The following GABRR2 variants were observed in gnomAD, a reference collection of about 807,000 sequenced individuals.
GABRR2 encodes gamma-aminobutyric acid type A receptor subunit rho2.
Under a neutral mutation model 47.0 loss-of-function variants are expected in GABRR2, and 36 were observed. That is an observed-to-expected ratio of 0.77 (90% confidence interval 0.59 to 1.01). GABRR2 has a LOEUF of 1.01. Among genes scored for constraint, GABRR2 ranks in the 50% least tolerant of loss-of-function variants. GABRR2 has a pLI of 0.00. For synonymous variants in GABRR2, 204 were observed against 227.5 expected (o/e 0.90, Z 0.93); for missense variants, 587 against 594.6 (o/e 0.99, Z 0.13).
chr6:89,302,170 G>A, intron 1 of GABRR2: 3 of 570,620 alleles, frequency 5.3e-6, no homozygotes, highest in Non-Finnish European at 6.9e-6. Flanking sequence ...ACGGTCTGTA[G>A]GGTTTCCAGC....
At chr6:89,272,148 G>T (rs958173871) in intron 2 of GABRR2, among the ~76,000 whole-genome samples, 1 of 152,196 alleles carries the variant, frequency 6.6e-6, no homozygotes, top group African/African-American at 2.4e-5. Flanking sequence ...TGCATGCCCT[G>T]GTCTGAATTC....
At chr6:89,302,024 G>T (rs963571764) in intron 1 of GABRR2, 2 of 679,344 alleles carry the variant, frequency 2.9e-6, no homozygotes, top group Non-Finnish European at 5.4e-6. Context: ...GGGGCCTTTT[G>T]GACATTTTTT....
At chr6:89,270,760 T>C (rs1256460203) in intron 3 of GABRR2, among the ~76,000 whole-genome samples, 1 of 152,124 alleles carries the variant, frequency 6.6e-6, no homozygotes, top group African/African-American at 2.4e-5. Context: ...TCCCCGACTT[T>C]TATTTATTCC....
At chr6:89,289,040 A>C (rs1582454702) in intron 2 of GABRR2, among the ~76,000 whole-genome samples, 1 of 152,254 alleles carries the variant, frequency 6.6e-6, no homozygotes. Flanking sequence ...TCATATACTG[A>C]GTTCAAAACA....
chr6:89,275,043 C>T (rs972858142), intron 2 of GABRR2, among the ~76,000 whole-genome samples: 14 of 151,914 alleles, frequency 9.2e-5, no homozygotes, highest in Non-Finnish European at 1.6e-4. Flanking sequence ...CCTAACTTTC[C>T]GCTTTAATTT....
At position 89,257,586 on chromosome 6, in the gene GABRR2, C is replaced by T. The variant is rs1773628617; in HGVS notation, c.*84G>A. ...AGCTGCTGCATTGTTTGGTGAGGGG[C>T]GTGTGGTCAACAAGTCCGTCTGTCA... On this transcript the variant is annotated 3_prime_UTR_variant, in exon 9 of 9. Transcript: ENST00000402938. 8.4e-6 allele frequency: 9 copies of T among 1,073,232 alleles called. No individual in the cohort carries two copies. The Admixed American group carries it at 1.4e-4, about 17-fold the overall frequency. 66.5% of individuals were successfully genotyped at this position (1,073,232 alleles called of 1,614,324 possible). A position where few individuals can be genotyped will look rare whatever the true frequency, so the allele number is the denominator to read the frequency against.
At chr6:89,277,868 T>TGG (rs141786803) in intron 2 of GABRR2, among the ~76,000 whole-genome samples, 5,148 of 84,394 alleles carry the variant, frequency 0.061, 302 homozygotes, top group African/African-American at 0.13. Flanking sequence ...TGGGCGGGGG[T>TGG]GGGGGGGGGT....
chr6:89,309,648 T>C (rs1450354301), intron 1 of GABRR2, among the ~76,000 whole-genome samples: 4 of 152,220 alleles, frequency 2.6e-5, no homozygotes, highest in Non-Finnish European at 5.9e-5. Context: ...AGAGTTTCTA[T>C]ATGCCCTCTG....
At chr6:89,285,050 C>A (rs970692633) in intron 2 of GABRR2, among the ~76,000 whole-genome samples, 3 of 152,180 alleles carry the variant, frequency 2.0e-5, no homozygotes, top group Non-Finnish European at 4.4e-5. Flanking sequence ...CTGTGGGCAG[C>A]CTTGCCCTTT....
chr6:89,267,548 C>T, intron 6 of GABRR2, 131 bp downstream of exon 6: 1 of 879,928 alleles, frequency 1.1e-6, no homozygotes, highest in South Asian at 1.8e-5. Context: ...GCTTGGGAGA[C>T]AGAGTGAGAC....
At position 89,257,867 on chromosome 6, in the gene GABRR2, C is replaced by T. The variant is rs1562341831; in HGVS notation, c.1201G>A (p.Glu401Lys). ...ACCACTATTTTGTCTTGCCTTTCTT[C>T]TTCTGTCAGGATATGGCTTCTGGGG... is the stretch of plus-strand genomic sequence containing the variant. ...GYPRSHILTEEERQDKIVVHL... is the reference protein window; with the variant it reads ...GYPRSHILTEKERQDKIVVHL... Residue 401 changes from glutamate to lysine, a missense_variant, in exon 9 of 9, where the codon GAA becomes AAA. By Grantham distance (56) the Glu-to-Lys change is moderately conservative (BLOSUM62 1). Transcript: ENST00000402938. 6.2e-7 allele frequency: 1 copy of T among 1,613,948 alleles called. No individual in the cohort carries two copies. Among genetic ancestry groups the T allele is most frequent in the Non-Finnish European group, 8.5e-7 (1 of 1,179,906 alleles).
At chr6:89,295,137 A>G (rs1403902296) in intron 2 of GABRR2, among the ~76,000 whole-genome samples, 1 of 152,148 alleles carries the variant, frequency 6.6e-6, no homozygotes, top group Non-Finnish European at 1.5e-5. Context: ...ATGATTTATA[A>G]TTCTTTGGGT....
intron 2 of GABRR2, among the ~76,000 whole-genome samples, chr6:89,285,574 G>A (rs1045727461): frequency 8.6e-5 from 13 of 151,946 alleles, no homozygotes; most frequent in Admixed American, 3.3e-4. Flanking sequence ...CAAATTCTTC[G>A]GCCGCTCCTC....
At chr6:89,261,026 T>A (rs1271607766) in intron 8 of GABRR2, among the ~76,000 whole-genome samples, 1 of 152,196 alleles carries the variant, frequency 6.6e-6, no homozygotes, top group Non-Finnish European at 1.5e-5. Context: ...AGGGGGAGAC[T>A]TAGCGGCCTG....
intron 3 of GABRR2, among the ~76,000 whole-genome samples, chr6:89,269,807 T>C (rs904214602): frequency 2.0e-5 from 3 of 152,176 alleles, no homozygotes; most frequent in African/African-American, 7.2e-5. Flanking sequence ...GGGAGATAAA[T>C]GGATGAGGGG....
At chr6:89,272,502 A>G (rs139301945) in intron 2 of GABRR2, among the ~76,000 whole-genome samples, 230 of 152,324 alleles carry the variant, frequency 1.5e-3, no homozygotes, top group African/African-American at 5.3e-3. Context: ...TTCTGGGTGT[A>G]TGTTATGCTT....
chr6:89,269,713 A>G (rs879830105), intron 3 of GABRR2, among the ~76,000 whole-genome samples: 2 of 152,226 alleles, frequency 1.3e-5, no homozygotes, highest in Non-Finnish European at 2.9e-5. Flanking sequence ...CTTGCCCACC[A>G]TTGCATCCCC....
intron 3 of GABRR2, 100 bp downstream of exon 3, chr6:89,271,554 TC>T: frequency 9.7e-7 from 1 of 1,030,036 alleles, no homozygotes; most frequent in Non-Finnish European, 1.5e-6. Flanking sequence ...GCCCATTTTA[TC>T]ACCTCCAGCT....
At position 89,255,954 on chromosome 6, in the gene GABRR2, A is replaced by T. The variant is rs1222849886; in HGVS notation, c.*1716T>A. Among the ~76,000 whole-genome samples the T allele has an allele frequency of 6.6e-6, 1 of 151,916 alleles. No homozygotes were observed. Among genetic ancestry groups the T allele is most frequent in the Non-Finnish European group, 1.5e-5 (1 of 67,974 alleles). On this transcript the variant is annotated 3_prime_UTR_variant, in exon 9 of 9. Transcript: ENST00000402938. ...GAGATAGGGTCTCGCTCTGTCACTC[A>T]GGCTGGACTGCAGTGGCTTGATCAC...
Sources: gnomAD v4.1 joint callset for allele counts (sites outside exome capture counted in the v4.1 genomes callset) on GRCh38, gnomAD v4.1.1 for gene constraint, MANE v1.5 for transcripts, NCBI Gene and HGNC (gene_info 2026-07-23, HGNC 2026-07-21) for gene names.